The following NELL1 variants were observed in gnomAD, a reference collection of about 807,000 sequenced individuals.
NELL1 encodes neural EGFL like 1, also known as protein kinase C-binding protein NELL1.
In NELL1, 76 loss-of-function variants were observed where a neutral mutation model predicts 107.4. The observed-to-expected ratio is 0.71, with a 90% CI of 0.59 to 0.86. NELL1 has a LOEUF of 0.86. Among genes scored for constraint, NELL1 ranks in the 40% least tolerant of loss-of-function variants. NELL1 has a pLI of 0.00. For synonymous variants in NELL1, 353 were observed against 341.2 expected (o/e 1.03, Z -0.38); for missense variants, 1,024 against 1,005.5 (o/e 1.02, Z -0.25).
intron 15 of NELL1, among the ~76,000 whole-genome samples, chr11:21,498,025 C>G (rs562209062): frequency 6.6e-6 from 1 of 151,660 alleles, no homozygotes; most frequent in South Asian, 2.1e-4. Flanking sequence ...TTCAATTTGT[C>G]TTATTTCACA....
At chr11:21,373,683 A>T (rs181507200) in intron 15 of NELL1, among the ~76,000 whole-genome samples, 4 of 152,244 alleles carry the variant, frequency 2.6e-5, no homozygotes, top group East Asian at 3.9e-4. Context: ...CACACAGATG[A>T]ACAACTCTGC....
At chr11:21,494,498 CAT>C (rs888781581) in intron 15 of NELL1, among the ~76,000 whole-genome samples, 17 of 152,018 alleles carry the variant, frequency 1.1e-4, no homozygotes, top group South Asian at 8.3e-4. Flanking sequence ...TTAGCACACA[CAT>C]GTGTGTATTT....
intron 12 of NELL1, among the ~76,000 whole-genome samples, chr11:21,088,410 T>C (rs889421335): frequency 1.3e-5 from 2 of 152,070 alleles, no homozygotes; most frequent in African/African-American, 2.4e-5. Flanking sequence ...CTCTGAGAAG[T>C]TATTTTCTTA....
rs535484128 is a variant in NELL1 at position 21,442,298 on chromosome 11, T to C, written c.1645+71350T>C. On this transcript the variant is annotated intron_variant, in intron 15 of 19. Coordinates refer to ENST00000357134, the MANE Select transcript of NELL1 (RefSeq NM_006157.5). ...CTCCTGGAATTCTATATATCAACCTTGTGTTAACTTTGGCCAAATATTGGT... is the reference window on the plus strand; with the variant it reads ...CTCCTGGAATTCTATATATCAACCTCGTGTTAACTTTGGCCAAATATTGGT... 9.7e-4 allele frequency among the ~76,000 whole-genome samples: 147 copies of C among 152,312 alleles called. 1 individual carries two copies. The highest frequency in any genetic ancestry group is 3.4e-3 in the African/African-American group (143 of 41,584).
intron 13 of NELL1, among the ~76,000 whole-genome samples, chr11:21,115,567 G>GTT (rs11459831): frequency 2.0e-3 from 305 of 151,254 alleles, no homozygotes; most frequent in African/African-American, 7.1e-3. Context: ...TTTTATGTGA[G>GTT]TTTTTTTTTA....
intron 14 of NELL1, among the ~76,000 whole-genome samples, chr11:21,338,627 A>G (rs553447406): frequency 1.3e-5 from 2 of 152,322 alleles, no homozygotes; most frequent in East Asian, 3.9e-4. Context: ...AATCCTCATA[A>G]AATAGCCAAC....
At chr11:21,519,875 C>T (rs747441992) in intron 15 of NELL1, among the ~76,000 whole-genome samples, 80 of 152,174 alleles carry the variant, frequency 5.3e-4, no homozygotes, top group Non-Finnish European at 7.6e-4. Flanking sequence ...CTGGTGCTGA[C>T]TCCTCTGCTA....
chr11:21,008,894 G>A (rs1852386990), intron 12 of NELL1, among the ~76,000 whole-genome samples: 1 of 152,108 alleles, frequency 6.6e-6, no homozygotes, highest in African/African-American at 2.4e-5. Flanking sequence ...AGAAGAAGAA[G>A]CTTCTAAAAT....
chr11:21,488,186 T>A (rs1046036477), intron 15 of NELL1, among the ~76,000 whole-genome samples: 3 of 152,096 alleles, frequency 2.0e-5, no homozygotes, highest in Non-Finnish European at 4.4e-5. Context: ...CTGACAGACA[T>A]TTACAGAACA....
Position 21,426,895 on chromosome 11 carries a change from G to T in NELL1, c.1645+55947G>T, listed in dbSNP as rs185401727. 5.1e-4 allele frequency among the ~76,000 whole-genome samples: 77 copies of T among 152,240 alleles called. 1 individual carries two copies. The South Asian group carries it at 0.015, about 29-fold the overall frequency. ...ATAGTCCATCTGGAGCACTGGCATG[G>T]GGTGAATAATATGGAGCTTATGGGA... On this transcript the variant is annotated intron_variant, in intron 15 of 19. Transcript: ENST00000357134.
intron 2 of NELL1, among the ~76,000 whole-genome samples, chr11:20,742,320 G>C (rs563033977): frequency 1.5e-4 from 23 of 152,166 alleles, no homozygotes; most frequent in African/African-American, 5.5e-4. Context: ...GGTAGTAGGG[G>C]GAAACCAAGA....
At chr11:21,393,027 T>A (rs1298249019) in intron 15 of NELL1, among the ~76,000 whole-genome samples, 1 of 151,586 alleles carries the variant, frequency 6.6e-6, no homozygotes, top group Non-Finnish European at 1.5e-5. Context: ...CTATTTCACA[T>A]GAAATTTTAT....
At chr11:20,947,272 A>G (rs1439305784) in intron 10 of NELL1, 64 bp from the exon 11 acceptor site, 4 of 1,050,690 alleles carry the variant, frequency 3.8e-6, no homozygotes, top group Admixed American at 1.7e-5. Context: ...AAAGAACATT[A>G]TAAGTTTGTT....
chr11:21,068,153 GCCTTT>G (rs1853925988), intron 12 of NELL1, among the ~76,000 whole-genome samples: 1 of 151,318 alleles, frequency 6.6e-6, no homozygotes, highest in African/African-American at 2.4e-5. Context: ...GTGTCTAGTG[GCCTTT>G]GGATGTATCC....
At chr11:21,427,230 C>A (rs1852844902) in intron 15 of NELL1, among the ~76,000 whole-genome samples, 1 of 152,176 alleles carries the variant, frequency 6.6e-6, no homozygotes, top group South Asian at 2.1e-4. Flanking sequence ...CCTTCCAAAT[C>A]TTGCAAAACT....
intron 13 of NELL1, among the ~76,000 whole-genome samples, chr11:21,148,357 C>T (rs752787569): frequency 1.3e-4 from 19 of 151,956 alleles, no homozygotes; most frequent in African/African-American, 2.9e-4. Flanking sequence ...GAGAGGTCGC[C>T]GGGGGGAGGG....
chr11:21,425,094 G>A (rs1254514144), intron 15 of NELL1, among the ~76,000 whole-genome samples: 1 of 152,076 alleles, frequency 6.6e-6, no homozygotes, highest in Non-Finnish European at 1.5e-5. Flanking sequence ...ATGACCAAGT[G>A]GGATTTATTC....
chr11:20,867,549 T>C (rs1282802597), intron 4 of NELL1, among the ~76,000 whole-genome samples: 1 of 152,194 alleles, frequency 6.6e-6, no homozygotes, highest in Admixed American at 6.5e-5. Context: ...TTGAAAGAAC[T>C]TCCGTTTTCT....
At chr11:21,088,465 C>T (rs899777861) in intron 12 of NELL1, among the ~76,000 whole-genome samples, 2 of 152,074 alleles carry the variant, frequency 1.3e-5, no homozygotes, top group African/African-American at 4.8e-5. Context: ...GCCTTTGGCT[C>T]CAAAACCCAT....
Sources: gnomAD v4.1 joint callset for allele counts (sites outside exome capture counted in the v4.1 genomes callset) on GRCh38, gnomAD v4.1.1 for gene constraint, MANE v1.5 for transcripts, NCBI Gene and HGNC (gene_info 2026-07-23, HGNC 2026-07-21) for gene names.